OSBPL10: variants seen among roughly 807,000 people sequenced by gnomAD.
OSBPL10 encodes oxysterol binding protein like 10.
Under a neutral mutation model 81.7 loss-of-function variants are expected in OSBPL10, and 49 were observed. The ratio of observed to expected loss-of-function variants is 0.60; its 90% confidence interval spans 0.48 to 0.76. The LOEUF is 0.76. OSBPL10 is among the 30% of genes least tolerant of loss of function. OSBPL10 has a pLI of 0.00. For missense variants in OSBPL10, 923 were observed against 987.8 expected, an observed-to-expected ratio of 0.93 and a Z score of 0.88; for synonymous variants, 419 against 383.6, an observed-to-expected ratio of 1.09 and a Z score of -1.08.
intron 4 of OSBPL10, among the ~76,000 whole-genome samples, chr3:31,796,672 G>T (rs1370561080): frequency 6.6e-6 from 1 of 152,106 alleles, no homozygotes; most frequent in African/African-American, 2.4e-5. Flanking sequence ...CAGCATCCAC[G>T]GCCTCTACCA....
In OSBPL10 at chr3:31,661,211, ACT is replaced by A. The variant is rs1491091234; in HGVS notation, c.*859_*860del. On this transcript the variant is annotated 3_prime_UTR_variant, in exon 12 of 12. Coordinates refer to ENST00000396556, the MANE Select transcript of OSBPL10 (RefSeq NM_017784.5). ...AGGAAATTCTCTTCTCTTTCCCCAA[ACT>A]AAATACAAGATTGAGGCTGTGGTTG... The A allele has an allele frequency of 6.6e-6, 1 of 152,538 alleles. No individual in the cohort carries two copies. The highest frequency in any genetic ancestry group is 1.5e-5 in the Non-Finnish European group (1 of 68,042). 9.4% of individuals were successfully genotyped at this position (152,538 alleles called of 1,614,324 possible). A position where few individuals can be genotyped will look rare whatever the true frequency, so the allele number is the denominator to read the frequency against.
chr3:31,919,416 C>G (rs1696850476), intron 1 of OSBPL10: 1 of 152,156 alleles, frequency 6.6e-6, no homozygotes, highest in African/African-American at 2.4e-5. Flanking sequence ...CTCACAGGAG[C>G]CAAGGAAGGT....
intron 1 of OSBPL10, among the ~76,000 whole-genome samples, chr3:31,973,431 C>T (rs1002065537): frequency 1.4e-4 from 22 of 152,222 alleles, no homozygotes; most frequent in African/African-American, 5.1e-4. Context: ...TCACAAACTT[C>T]TGCTGAGGAC....
intron 5 of OSBPL10, among the ~76,000 whole-genome samples, chr3:31,746,670 ACT>A (rs1239058827): frequency 2.2e-5 from 3 of 137,120 alleles, no homozygotes; most frequent in Non-Finnish European, 4.7e-5. Flanking sequence ...AAGAGCAAAA[ACT>A]CTGTCTCAAA....
intron 11 of OSBPL10, chr3:31,662,430 A>G: frequency 9.0e-7 from 1 of 1,105,566 alleles, no homozygotes; most frequent in African/African-American, 1.6e-5. Context: ...ACAAGAGAAA[A>G]GGAGAGTAGC....
At chr3:31,753,173 T>TTAG (rs987529141) in intron 4 of OSBPL10, among the ~76,000 whole-genome samples, 1 of 145,226 alleles carries the variant, frequency 6.9e-6, no homozygotes, top group Non-Finnish European at 1.5e-5. Flanking sequence ...GCTTTAAAGC[T>TTAG]GTGCTTCAAG....
chr3:32,022,531 A>C (rs974210691), intron 2 of OSBPL10, among the ~76,000 whole-genome samples: 5 of 152,166 alleles, frequency 3.3e-5, no homozygotes, highest in Non-Finnish European at 5.9e-5. Flanking sequence ...CACGCCTGTA[A>C]TCCCAGCATT....
intron 1 of OSBPL10, among the ~76,000 whole-genome samples, chr3:31,912,020 C>T (rs1045699516): frequency 7.2e-5 from 11 of 151,770 alleles, no homozygotes; most frequent in African/African-American, 1.4e-4. Context: ...CTTAATGCCA[C>T]GGTACAGTAT....
At chr3:31,903,850 G>C (rs895972448) in intron 1 of OSBPL10, among the ~76,000 whole-genome samples, 1 of 152,114 alleles carries the variant, frequency 6.6e-6, no homozygotes, top group Non-Finnish European at 1.5e-5. Context: ...GTTAAAGCAG[G>C]GTGACGGGGT....
At chr3:31,748,176 G>A in intron 4 of OSBPL10, 56 bp from the exon 5 acceptor site, 1 of 1,492,150 alleles carries the variant, frequency 6.7e-7, no homozygotes, top group Non-Finnish European at 9.1e-7. Context: ...TCGACAGGCT[G>A]GGGAGGCGGC....
chr3:31,942,855 T>C (rs1456307478), intron 1 of OSBPL10, among the ~76,000 whole-genome samples: 1 of 152,208 alleles, frequency 6.6e-6, no homozygotes, highest in Non-Finnish European at 1.5e-5. Flanking sequence ...AACATACACA[T>C]AACAAAATTT....
chr3:31,821,603 G>T (rs180858469), intron 4 of OSBPL10, among the ~76,000 whole-genome samples: 1 of 152,134 alleles, frequency 6.6e-6, no homozygotes, highest in African/African-American at 2.4e-5. Flanking sequence ...TTTGAAAACC[G>T]ATGTTTGAAA....
intron 6 of OSBPL10, among the ~76,000 whole-genome samples, chr3:31,706,629 T>A (rs995854413): frequency 2.0e-5 from 3 of 152,092 alleles, no homozygotes; most frequent in Non-Finnish European, 2.9e-5. Context: ...TTTGTGTGGG[T>A]CCAACAGTCT....
intron 1 of OSBPL10, among the ~76,000 whole-genome samples, chr3:31,902,720 G>A (rs1696286258): frequency 2.6e-5 from 4 of 152,172 alleles, no homozygotes; most frequent in South Asian, 4.1e-4. Context: ...CCGCCACCAC[G>A]CCTGGCTAAT....
At chr3:31,792,595 G>T (rs1699043623) in intron 4 of OSBPL10, among the ~76,000 whole-genome samples, 1 of 151,698 alleles carries the variant, frequency 6.6e-6, no homozygotes, top group South Asian at 2.1e-4. Flanking sequence ...GGTGATTGGT[G>T]TATGAGGGTG....
At chr3:31,694,387 A>AG (rs1695652515) in intron 7 of OSBPL10, among the ~76,000 whole-genome samples, 1 of 150,888 alleles carries the variant, frequency 6.6e-6, no homozygotes, top group South Asian at 2.1e-4. Context: ...AAAAAAAAAA[A>AG]AAAAAAAAAA....
At chr3:32,037,122 C>T (rs1575090077) in intron 2 of OSBPL10, among the ~76,000 whole-genome samples, 1 of 152,132 alleles carries the variant, frequency 6.6e-6, no homozygotes, top group Non-Finnish European at 1.5e-5. Flanking sequence ...TCAGGCAGTA[C>T]CCCTAGAACA....
rs1699140856 is a variant in OSBPL10 at position 31,794,720 on chromosome 3, C to T, written c.729+35320G>A. 6 of 296,274 alleles carry T rather than the reference C, an allele frequency of 2.0e-5. No individual in the cohort carries two copies. The South Asian group carries it at 2.6e-4, about 13-fold the overall frequency. 18.4% of individuals were successfully genotyped at this position (296,274 alleles called of 1,614,324 possible). ...GAGTCTCAGGTCAGGACTCTGAGGG[C>T]AGGGGGGTCTCCCAAGAAGGCTCAC... is the stretch of plus-strand genomic sequence containing the variant. On this transcript the variant is annotated intron_variant, in intron 4 of 11. Coordinates refer to ENST00000396556, the MANE Select transcript of OSBPL10 (RefSeq NM_017784.5).
intron 2 of OSBPL10, chr3:31,989,787 C>T: frequency 1.2e-6 from 2 of 1,614,108 alleles, no homozygotes; most frequent in African/African-American, 1.3e-5. Context: ...ATGAGAGTGG[C>T]AAAGCCTTTA....
Sources: allele counts gnomAD v4.1 joint callset (sites outside exome capture counted in the v4.1 genomes callset), GRCh38; gene constraint gnomAD v4.1.1; transcripts MANE v1.5; gene names NCBI Gene and HGNC (gene_info 2026-07-23, HGNC 2026-07-21).